ANTXR1: variants seen among roughly 807,000 people sequenced by gnomAD.
ANTXR1 encodes ANTXR cell adhesion molecule 1.
A neutral mutation model predicts 78.1 loss-of-function variants in ANTXR1; 19 were observed. The observed-to-expected ratio is 0.24, with a 90% CI of 0.17 to 0.36. The LOEUF is 0.36. Among genes scored for constraint, ANTXR1 ranks in the 10% least tolerant of loss-of-function variants. The pLI is 1.00. For synonymous variants in ANTXR1, 273 were observed against 260.5 expected, an observed-to-expected ratio of 1.05 and a Z score of -0.46; for missense variants, 518 against 718.6, an observed-to-expected ratio of 0.72 and a Z score of 3.19.
intron 17 of ANTXR1, among the ~76,000 whole-genome samples, chr2:69,239,606 C>T (rs977681525): frequency 5.3e-5 from 8 of 152,196 alleles, no homozygotes; most frequent in Non-Finnish European, 1.0e-4. Context: ...GGCCCTTGAA[C>T]GTCATCTAGC....
chr2:69,227,452 C>T (rs1675484707), intron 17 of ANTXR1, among the ~76,000 whole-genome samples: 1 of 152,076 alleles, frequency 6.6e-6, no homozygotes, highest in Non-Finnish European at 1.5e-5. Flanking sequence ...CACAGCACCC[C>T]AAATGCCCAG....
chr2:69,164,180 A>G (rs12989078), intron 13 of ANTXR1, among the ~76,000 whole-genome samples: 45,205 of 152,072 alleles, frequency 0.3, 7,250 homozygotes, highest in South Asian at 0.46. Context: ...GGGTTAGGGG[A>G]TGAAAGGGGG....
chr2:69,106,142 G>A (rs535240523), intron 10 of ANTXR1, among the ~76,000 whole-genome samples: 53 of 152,292 alleles, frequency 3.5e-4, no homozygotes, highest in African/African-American at 1.2e-3. Context: ...TGGATAAAAT[G>A]CCAATATATT....
At chr2:69,132,813 G>A (rs1188045312) in intron 12 of ANTXR1, among the ~76,000 whole-genome samples, 1 of 152,192 alleles carries the variant, frequency 6.6e-6, no homozygotes, top group East Asian at 1.9e-4. Context: ...GGACCAACGT[G>A]TTTTAAATCT....
intron 10 of ANTXR1, among the ~76,000 whole-genome samples, chr2:69,109,851 T>A (rs779904397): frequency 4.5e-4 from 68 of 152,200 alleles, no homozygotes; most frequent in Non-Finnish European, 8.1e-4. Context: ...TGCATATTTT[T>A]AAATTCTCTT....
chr2:69,139,737 A>C (rs1035451274), intron 12 of ANTXR1, among the ~76,000 whole-genome samples: 12 of 152,210 alleles, frequency 7.9e-5, no homozygotes, highest in Non-Finnish European at 1.8e-4. Flanking sequence ...TTTACTTACC[A>C]ATAATAGGTA....
Position 69,073,072 on chromosome 2 carries a change from G to A in ANTXR1, c.463G>A (p.Glu155Lys). Residue 155 changes from glutamate (E) to lysine (K), a missense_variant, in exon 6 of 18, where the codon GAA (glutamate) becomes AAA (lysine). Around this residue, in one of 5 missense-constraint regions of ANTXR1, gnomAD observed 264 missense variants for 391.8 expected, o/e 0.67. Coordinates refer to ENST00000303714, the MANE Select transcript of ANTXR1 (RefSeq NM_032208.3). ...TGCTTTGACTGATGGAGAACTCCAT[G>A]AAGATCTCTTTTTCTATTCAGAGAG... ...IIALTDGELH[E>K]DLFFYSEREA... 2.5e-6 allele frequency: 4 copies of A among 1,614,092 alleles called. No individual in the cohort carries two copies. The highest frequency in any genetic ancestry group is 3.4e-6 in the Non-Finnish European group (4 of 1,179,936).
chr2:69,031,925 C>T (rs1671539536), intron 1 of ANTXR1, among the ~76,000 whole-genome samples: 2 of 152,164 alleles, frequency 1.3e-5, no homozygotes, highest in South Asian at 4.1e-4. Context: ...ATGGATGTCT[C>T]CGACTGACCA....
intron 1 of ANTXR1, among the ~76,000 whole-genome samples, chr2:69,021,041 AT>A (rs1225283988): frequency 6.6e-6 from 1 of 152,214 alleles, no homozygotes; most frequent in African/African-American, 2.4e-5. Context: ...TTCAGTGAGG[AT>A]TTGGGAAAGG....
intron 3 of ANTXR1, among the ~76,000 whole-genome samples, chr2:69,047,648 A>G (rs1473568589): frequency 6.6e-6 from 1 of 151,402 alleles, no homozygotes; most frequent in African/African-American, 2.4e-5. Context: ...TTGGGGGGGG[A>G]AATTCTGGAC....
At position 69,248,330 on chromosome 2, in the gene ANTXR1, C is replaced by T. The variant is rs576280061; in HGVS notation, c.*2845C>T. The T allele has an allele frequency of 6.9e-4, 114 of 165,982 alleles. 1 individual carries two copies. The highest frequency in any genetic ancestry group is 2.5e-3 in the African/African-American group (105 of 41,510). The allele number at this position is 165,982 out of a possible 1,614,324, so 10.3% of individuals were successfully genotyped here. ...CAGTTGTAGTAAATTATTATAAAGC[C>T]GATGATATTTCATGGCAGGTTATTC... On this transcript the variant is annotated 3_prime_UTR_variant, in exon 18 of 18. Coordinates refer to ENST00000303714, the MANE Select transcript of ANTXR1 (RefSeq NM_032208.3).
At chr2:69,055,942 T>C (rs892559358) in intron 3 of ANTXR1, among the ~76,000 whole-genome samples, 4 of 152,174 alleles carry the variant, frequency 2.6e-5, no homozygotes, top group African/African-American at 9.7e-5. Flanking sequence ...TTCTCATATG[T>C]GAAATGAAGA....
chr2:69,086,125 A>C (rs1671042213), intron 8 of ANTXR1, among the ~76,000 whole-genome samples: 1 of 152,364 alleles, frequency 6.6e-6, no homozygotes, highest in Admixed American at 6.5e-5. Context: ...GTTCTCCAAC[A>C]GGAAATGGCC....
intron 17 of ANTXR1, among the ~76,000 whole-genome samples, chr2:69,197,265 C>G (rs1674687349): frequency 6.6e-6 from 1 of 152,188 alleles, no homozygotes; most frequent in Non-Finnish European, 1.5e-5. Context: ...CATGGTGTCC[C>G]CTGCTCCCAG....
Position 69,245,733 on chromosome 2 carries a change from T to C in ANTXR1, c.*248T>C. The C allele has an allele frequency of 2.1e-6, 1 of 485,066 alleles. No individual in the cohort carries two copies. The highest frequency in any genetic ancestry group is 3.6e-6 in the Non-Finnish European group (1 of 275,580). The allele number at this position is 485,066 out of a possible 1,614,324, so 30.0% of individuals were successfully genotyped here. ...CCAGCCATCTATCACCTCTAGAAGG[T>C]TCCAGAGACAGTGAAACTGCAAGAT... On this transcript the variant is annotated 3_prime_UTR_variant, in exon 18 of 18. Coordinates refer to ENST00000303714, the MANE Select transcript of ANTXR1 (RefSeq NM_032208.3).
intron 8 of ANTXR1, among the ~76,000 whole-genome samples, chr2:69,078,637 T>C (rs1670811066): frequency 6.6e-6 from 1 of 152,216 alleles, no homozygotes; most frequent in South Asian, 2.1e-4. Context: ...TTAGAGATCC[T>C]TGGACATTTC....
rs565887110 is a variant in ANTXR1, at chr2:69,066,513, C to T, written c.297-4134C>T. Among the ~76,000 whole-genome samples the T allele has an allele frequency of 2.0e-5, 3 of 152,070 alleles. No individual in the cohort carries two copies. The East Asian group carries it at 5.8e-4, about 29-fold the overall frequency. On this transcript the variant is annotated intron_variant, in intron 3 of 17. Coordinates refer to ENST00000303714, the MANE Select transcript of ANTXR1 (RefSeq NM_032208.3). The stretch of plus-strand genomic sequence containing the variant: ...CGTGTTCATCTTTTAATGTTTTCAT[C>T]AGCAATGTTATCAAACTGTCATAAC...
intron 3 of ANTXR1, among the ~76,000 whole-genome samples, chr2:69,065,548 A>C (rs539756538): frequency 1.5e-4 from 23 of 152,304 alleles, no homozygotes; most frequent in African/African-American, 5.5e-4. Flanking sequence ...GAATATTATA[A>C]ACAATTTTAT....
chr2:69,226,992 C>A (rs1394211783), intron 17 of ANTXR1, among the ~76,000 whole-genome samples: 1 of 152,122 alleles, frequency 6.6e-6, no homozygotes. Flanking sequence ...TGAAGCATTT[C>A]GTGCACCATG....
Sources: gnomAD v4.1 joint callset for allele counts (sites outside exome capture counted in the v4.1 genomes callset) on GRCh38, gnomAD v4.1.1 for gene constraint, gnomAD v4.1.1 regional missense constraint, MANE v1.5 for transcripts, NCBI Gene and HGNC (gene_info 2026-07-23, HGNC 2026-07-21) for gene names.